HBS1L: variants seen among roughly 807,000 people sequenced by gnomAD.
HBS1L encodes the protein HBS1 like translational GTPase.
Under a neutral mutation model 88.9 loss-of-function variants are expected in HBS1L, and 55 were observed. That is an observed-to-expected ratio of 0.62 (90% CI 0.50 to 0.77). HBS1L has a LOEUF of 0.77. Among genes scored for constraint, HBS1L ranks in the 30% least tolerant of loss-of-function variants. The probability of loss-of-function intolerance (pLI) is 0.00; values close to 1 mark genes in which losing one functional copy is unlikely to be tolerated. For missense variants in HBS1L, 741 were observed against 829.3 expected (o/e 0.89, Z 1.31); for synonymous variants, 267 against 288.5 (o/e 0.93, Z 0.76).
Position 134,979,252 on chromosome 6 carries a change from A to G in HBS1L, c.1614T>C (p.Asp538=), listed in dbSNP as rs1583066249. ...TCTVKGITLH[D]EPVDWAAAGD... ...CTGCTGCCGCCCAGTCGACAGGTTC[A>G]TCATGCAGAGTGATTCCTGGAAATG... Residue 538 remains aspartate, a synonymous_variant, in exon 14 of 18, where the codon GAT becomes GAC. Transcript: ENST00000367837. The G allele has an allele frequency of 1.2e-6, 2 of 1,611,848 alleles. No individual in the cohort carries two copies. Among genetic ancestry groups the G allele is most frequent in the Non-Finnish European group, 1.7e-6 (2 of 1,178,390 alleles).
At chr6:135,011,371 T>C (rs759385296) in intron 4 of HBS1L, among the ~76,000 whole-genome samples, 4 of 151,950 alleles carry the variant, frequency 2.6e-5, no homozygotes, top group Admixed American at 2.0e-4. Context: ...AAATTTTCAA[T>C]TAGCTGGGCG....
chr6:135,014,810 AG>A (rs1775870992), intron 4 of HBS1L, among the ~76,000 whole-genome samples: 1 of 135,568 alleles, frequency 7.4e-6, no homozygotes, highest in Non-Finnish European at 1.5e-5. Flanking sequence ...TGAGCCCAGG[AG>A]TTCAAGACCA....
chr6:135,044,595 G>A (rs545945938), intron 2 of HBS1L, among the ~76,000 whole-genome samples: 1 of 152,230 alleles, frequency 6.6e-6, no homozygotes, highest in African/African-American at 2.4e-5. Flanking sequence ...ATAATACTTA[G>A]ACTGATAGCC....
At chr6:135,018,484 C>T (rs142968157) in intron 4 of HBS1L, among the ~76,000 whole-genome samples, 111 of 152,008 alleles carry the variant, frequency 7.3e-4, no homozygotes, top group Non-Finnish European at 1.4e-3. Flanking sequence ...AAAACAAAGA[C>T]ATTTAAATAA....
chr6:135,015,685 A>C (rs560852160), intron 4 of HBS1L, among the ~76,000 whole-genome samples: 1 of 150,990 alleles, frequency 6.6e-6, no homozygotes, highest in East Asian at 2.0e-4. Context: ...GGGTTCAAGC[A>C]ATTCTCCTGC....
chr6:134,972,431 T>C (rs1050728305), intron 15 of HBS1L, among the ~76,000 whole-genome samples: 2 of 152,160 alleles, frequency 1.3e-5, no homozygotes, highest in African/African-American at 2.4e-5. Flanking sequence ...ACCTTACATA[T>C]GTACAAAACT....
At chr6:134,969,550 C>A (rs1292790537) in intron 15 of HBS1L, among the ~76,000 whole-genome samples, 1 of 152,176 alleles carries the variant, frequency 6.6e-6, no homozygotes, top group Non-Finnish European at 1.5e-5. Context: ...CAAATTTCTA[C>A]CCCACCAATT....
intron 4 of HBS1L, chr6:135,037,744 C>T (rs770794778): frequency 5.2e-5 from 81 of 1,550,970 alleles, no homozygotes; most frequent in Non-Finnish European, 6.7e-5. Flanking sequence ...TGATGGCTGA[C>T]TTTCACAGGA....
chr6:135,035,430 A>G (rs1776506661), intron 4 of HBS1L, among the ~76,000 whole-genome samples: 1 of 144,828 alleles, frequency 6.9e-6, no homozygotes, highest in Non-Finnish European at 1.5e-5. Flanking sequence ...ACAGAGAGAG[A>G]CTCCATCTTA....
At chr6:134,989,996 T>G (rs1775085960) in intron 8 of HBS1L, among the ~76,000 whole-genome samples, 1 of 152,200 alleles carries the variant, frequency 6.6e-6, no homozygotes, top group Non-Finnish European at 1.5e-5. Context: ...ATAGTTTATA[T>G]AAAACATCCA....
chr6:135,010,701 G>A (rs1775750153), intron 4 of HBS1L, among the ~76,000 whole-genome samples: 1 of 152,124 alleles, frequency 6.6e-6, no homozygotes, highest in African/African-American at 2.4e-5. Context: ...TGATCTGGTA[G>A]AACAAATCCA....
At chr6:135,034,696 G>A (rs529050223) in intron 4 of HBS1L, among the ~76,000 whole-genome samples, 37 of 152,170 alleles carry the variant, frequency 2.4e-4, no homozygotes, top group Middle Eastern at 6.8e-3. Flanking sequence ...ATTTTTCCAA[G>A]GAATACTAAT....
At position 135,007,938 on chromosome 6, in the gene HBS1L, C is replaced by T. The variant is rs75150471; in HGVS notation, c.431-5096G>A. 5.3e-5 allele frequency among the ~76,000 whole-genome samples: 8 copies of T among 152,284 alleles called. No individual in the cohort carries two copies. The East Asian group carries it at 5.8e-4, about 11-fold the overall frequency. On this transcript the variant is annotated intron_variant, in intron 4 of 17. Coordinates refer to ENST00000367837, the MANE Select transcript of HBS1L (RefSeq NM_006620.4). ...CTACCACTAATTAGCTGTCACCTTA[C>T]GGCTTAAGCAGTTCATTTAATTTCA...
intron 3 of HBS1L, among the ~76,000 whole-genome samples, chr6:135,040,295 A>G (rs1310523645): frequency 1.3e-5 from 2 of 151,890 alleles, no homozygotes; most frequent in Non-Finnish European, 2.9e-5. Flanking sequence ...TAATATAAAA[A>G]TGCCATAAAA....
At chr6:134,983,310 A>C (rs1431224185) in intron 12 of HBS1L, 1 of 152,176 alleles carries the variant, frequency 6.6e-6, no homozygotes, top group Non-Finnish European at 1.5e-5. Flanking sequence ...GCCAGTAAAT[A>C]TTGTGACCGG....
At position 135,039,618 on chromosome 6, in the gene HBS1L, T is replaced by C. The variant is rs1477237444; in HGVS notation, c.385A>G (p.Lys129Glu). 1 of 1,614,148 alleles carries C rather than the reference T, an allele frequency of 6.2e-7. No homozygotes were observed. ...VLEQDRVQSL[K>E]DKNEATVSTG... ...GATACTGTTGCCTCATTCTTGTCCT[T>C]CAAACTCTGCACTCTATCTTGTTCC... Residue 129 changes from lysine to glutamate, a missense_variant, in exon 4 of 18, where the codon AAG becomes GAG. Physicochemically the swap from Lys to Glu is moderately conservative, Grantham distance 56. Coordinates refer to ENST00000367837, the MANE Select transcript of HBS1L (RefSeq NM_006620.4).
At chr6:135,023,830 T>G (rs1010694430) in intron 4 of HBS1L, among the ~76,000 whole-genome samples, 5 of 151,328 alleles carry the variant, frequency 3.3e-5, no homozygotes, top group African/African-American at 1.2e-4. Flanking sequence ...AGTATAAACA[T>G]TTATCAGCTA....
intron 4 of HBS1L, among the ~76,000 whole-genome samples, chr6:135,035,259 G>A (rs1049673532): frequency 2.0e-5 from 3 of 151,900 alleles, no homozygotes; most frequent in African/African-American, 7.3e-5. Context: ...AGACTATCCT[G>A]GCCAACATGG....
intron 4 of HBS1L, among the ~76,000 whole-genome samples, chr6:135,007,000 A>T (rs1775633062): frequency 6.6e-6 from 1 of 152,190 alleles, no homozygotes; most frequent in South Asian, 2.1e-4. Context: ...AGTATCTTCC[A>T]ACCATTTTGC....
Sources: allele counts gnomAD v4.1 joint callset (sites outside exome capture counted in the v4.1 genomes callset), GRCh38; gene constraint gnomAD v4.1.1; transcripts MANE v1.5; gene names NCBI Gene and HGNC (gene_info 2026-07-23, HGNC 2026-07-21).